The following PPP6R3 variants were observed in gnomAD, a reference collection of about 807,000 sequenced individuals.
PPP6R3 encodes serine/threonine-protein phosphatase 6 regulatory subunit 3.
PPP6R3 carries 38 observed loss-of-function variants against 110.7 expected under a neutral mutation model. That is an observed-to-expected ratio of 0.34 (90% CI 0.26 to 0.45). The LOEUF is 0.45. Among genes scored for constraint, PPP6R3 ranks in the 20% least tolerant of loss-of-function variants. PPP6R3 has a pLI of 1.00. For synonymous variants in PPP6R3, 369 were observed against 373.5 expected, an observed-to-expected ratio of 0.99 and a Z score of 0.14; for missense variants, 870 against 1,062.4, an observed-to-expected ratio of 0.82 and a Z score of 2.52.
At chr11:68,610,053 G>C (rs139425357) in intron 23 of PPP6R3, 30 bp downstream of exon 23, 48 of 1,609,732 alleles carry the variant, frequency 3.0e-5, no homozygotes, top group Middle Eastern at 1.7e-4. Context: ...AACCCACCCA[G>C]GCCCTGCCCT....
At chr11:68,572,126 AC>A in intron 12 of PPP6R3, among the ~76,000 whole-genome samples, 1 of 152,010 alleles carries the variant, frequency 6.6e-6, no homozygotes. Flanking sequence ...GTATTGGTAG[AC>A]CTCAGATACA....
At chr11:68,527,804 C>G (rs1242238180) in intron 2 of PPP6R3, among the ~76,000 whole-genome samples, 1 of 152,204 alleles carries the variant, frequency 6.6e-6, no homozygotes, top group Non-Finnish European at 1.5e-5. Context: ...ACCACCTACC[C>G]AAAGGCTCCT....
intron 1 of PPP6R3, among the ~76,000 whole-genome samples, chr11:68,468,620 C>T (rs924316612): frequency 4.6e-5 from 7 of 152,200 alleles, no homozygotes; most frequent in South Asian, 2.1e-4. Flanking sequence ...AGAGAGGCCT[C>T]GAGGTCTAAC....
chr11:68,544,865 C>G lies in PPP6R3; in HGVS notation c.255C>G (p.Leu85=). 1.2e-6 allele frequency: 2 copies of G among 1,604,528 alleles called. No individual in the cohort carries two copies. Among genetic ancestry groups the G allele is most frequent in the Non-Finnish European group, 1.7e-6 (2 of 1,172,144 alleles). The change falls in exon 4 of 24, where the codon CTC becomes CTG. Residue 85 remains leucine, a synonymous_variant. Transcript: ENST00000393800. ...YKYPNISCEL[L]TSDVSQMNDR... is the part of the protein sequence containing the mutation. ...ATCCAAATATATCTTGTGAGTTGCT[C>G]ACTTCTGATGTCTCCCAGATGAATG...
Position 68,520,161 on chromosome 11 carries a change from G to A in PPP6R3, c.-7+510G>A, listed in dbSNP as rs182245712. ...TGGCTCAGTTGGCATTTACTAGGAA[G>A]TGGTAGAAGTGGCGCAGTAGGTCCT... On this transcript the variant is annotated intron_variant, in intron 2 of 23. Coordinates refer to ENST00000393800, the MANE Select transcript of PPP6R3 (RefSeq NM_001164161.2). 1.6e-4 allele frequency among the ~76,000 whole-genome samples: 25 copies of A among 152,348 alleles called. No homozygotes were observed. The East Asian group carries it at 4.2e-3, about 26-fold the overall frequency.
rs1006797205 is a variant in PPP6R3, at chr11:68,460,822, C to A, written c.-163C>A. 2 of 152,098 alleles carry A rather than the reference C, an allele frequency of 1.3e-5. No individual in the cohort carries two copies. The highest frequency in any genetic ancestry group is 2.9e-5 in the Non-Finnish European group (2 of 68,062). 9.4% of individuals were successfully genotyped at this position (152,098 alleles called of 1,614,324 possible). On this transcript the variant is annotated 5_prime_UTR_variant, in exon 1 of 24. Coordinates refer to ENST00000393800, the MANE Select transcript of PPP6R3 (RefSeq NM_001164161.2). Reference sequence around the variant, plus strand: ...GCAACTAGCGGCGGGTCGTGGGCACCTCCAGGTAATGGGGGTAGGGGAGGC... The same window carrying A: ...GCAACTAGCGGCGGGTCGTGGGCACATCCAGGTAATGGGGGTAGGGGAGGC...
chr11:68,563,168 A>T (rs1046382483), intron 8 of PPP6R3, among the ~76,000 whole-genome samples: 1 of 151,788 alleles, frequency 6.6e-6, no homozygotes, highest in Admixed American at 6.6e-5. Context: ...TAGGACGCTG[A>T]GGGAGGAGGA....
At chr11:68,577,477 A>G (rs2099536359) in intron 14 of PPP6R3, among the ~76,000 whole-genome samples, 1 of 152,240 alleles carries the variant, frequency 6.6e-6, no homozygotes, top group African/African-American at 2.4e-5. Context: ...TTCTTTTAAA[A>G]TTATCCTTTG....
intron 7 of PPP6R3, among the ~76,000 whole-genome samples, chr11:68,554,598 T>G (rs1327078047): frequency 1.3e-5 from 2 of 152,208 alleles, no homozygotes; most frequent in Non-Finnish European, 2.9e-5. Context: ...GTACGAATGT[T>G]GTGCATTTTA....
chr11:68,580,791 A>T (rs2099551101), intron 14 of PPP6R3, among the ~76,000 whole-genome samples: 2 of 75,216 alleles, frequency 2.7e-5, no homozygotes, highest in Non-Finnish European at 2.3e-5. Context: ...TTTTTTTTTG[A>T]GACAGAGTCT....
At chr11:68,579,694 GT>G (rs1229450998) in intron 14 of PPP6R3, among the ~76,000 whole-genome samples, 1 of 152,190 alleles carries the variant, frequency 6.6e-6, no homozygotes, top group East Asian at 1.9e-4. Flanking sequence ...ACTGCATAAT[GT>G]TTCGGTCAGC....
At chr11:68,559,361 A>C (rs1374124403) in intron 8 of PPP6R3, among the ~76,000 whole-genome samples, 2 of 152,254 alleles carry the variant, frequency 1.3e-5, no homozygotes, top group African/African-American at 4.8e-5. Flanking sequence ...GAGTTTTCTA[A>C]CTGCTCTTAG....
intron 1 of PPP6R3, among the ~76,000 whole-genome samples, chr11:68,483,022 A>C (rs1320687574): frequency 6.6e-6 from 1 of 152,130 alleles, no homozygotes. Flanking sequence ...TGTTATTATC[A>C]CAAACAATTC....
rs972331712 is a variant in PPP6R3 at position 68,581,458 on chromosome 11, G to A, written c.1546-1585G>A. Among the ~76,000 whole-genome samples the A allele has an allele frequency of 2.6e-5, 4 of 152,252 alleles. No homozygotes were observed. In the East Asian group the frequency reaches 5.8e-4, roughly 22 times the overall value. On this transcript the variant is annotated intron_variant, in intron 14 of 23. Coordinates refer to ENST00000393800, the MANE Select transcript of PPP6R3 (RefSeq NM_001164161.2). ...GACTTGGCTAAGAGTCGCCAACTCT[G>A]TTTTGTCCTATTTTGCTCAGTTCTT... is the stretch of plus-strand genomic sequence containing the variant.
chr11:68,487,867 A>AT (rs2098958336), intron 1 of PPP6R3, among the ~76,000 whole-genome samples: 1 of 152,198 alleles, frequency 6.6e-6, no homozygotes, highest in South Asian at 2.1e-4. Context: ...ATAGATGTCA[A>AT]TTATACCCAG....
chr11:68,610,111 G>A (rs573477555), intron 23 of PPP6R3, 88 bp downstream of exon 23: 11 of 1,520,128 alleles, frequency 7.2e-6, no homozygotes, highest in South Asian at 2.5e-5. Context: ...TATAGGGATC[G>A]TTTACAGCTG....
chr11:68,488,449 TA>T, intron 1 of PPP6R3, among the ~76,000 whole-genome samples: 1 of 152,342 alleles, frequency 6.6e-6, no homozygotes, highest in Non-Finnish European at 1.5e-5. Context: ...GTTGGGATTA[TA>T]GGTGTGAGCC....
intron 22 of PPP6R3, among the ~76,000 whole-genome samples, chr11:68,607,990 A>T (rs763019341): frequency 6.6e-6 from 1 of 151,632 alleles, no homozygotes; most frequent in Non-Finnish European, 1.5e-5. Flanking sequence ...GCTGATCTCA[A>T]ACTCCTGGCT....
At chr11:68,478,646 A>ATTTTTTTTTTTTTTTT (rs1565292839) in intron 1 of PPP6R3, among the ~76,000 whole-genome samples, 1 of 10,762 alleles carries the variant, frequency 9.3e-5, no homozygotes, top group African/African-American at 3.1e-4. Flanking sequence ...GCACTTGGTA[A>ATTTTTTTTTTTTTTTT]GTTTTTTTTT....
Sources: allele counts gnomAD v4.1 joint callset (sites outside exome capture counted in the v4.1 genomes callset), GRCh38; gene constraint gnomAD v4.1.1; transcripts MANE v1.5; gene names NCBI Gene and HGNC (gene_info 2026-07-23, HGNC 2026-07-21).